Variants in ROR2 observed in about 807,000 individuals in gnomAD.
The protein encoded by ROR2 is ROR family WNT receptor 2.
Under a neutral mutation model 74.9 loss-of-function variants are expected in ROR2, and 33 were observed. The ratio of observed to expected loss-of-function variants is 0.44; its 90% confidence interval spans 0.33 to 0.59. The LOEUF (loss-of-function observed/expected upper bound fraction) is 0.59. Ranked by LOEUF, ROR2 falls within the 20% of genes least tolerant of loss-of-function variation. The probability of loss-of-function intolerance (pLI) is 0.02; values close to 1 mark genes in which losing one functional copy is unlikely to be tolerated. For missense variants in ROR2, 1,216 were observed against 1,313.8 expected (o/e 0.93, Z 1.15); for synonymous variants, 586 against 558.7 (o/e 1.05, Z -0.69).
intron 1 of ROR2, among the ~76,000 whole-genome samples, chr9:91,839,377 GTGTA>G (rs1262179086): frequency 6.6e-6 from 1 of 151,420 alleles, no homozygotes; most frequent in Non-Finnish European, 1.5e-5. Context: ...TGGTGTATGT[GTGTA>G]TGTATGTGGT....
chr9:91,765,839 C>A (rs984967966), intron 2 of ROR2, among the ~76,000 whole-genome samples: 10 of 152,192 alleles, frequency 6.6e-5, no homozygotes, highest in Non-Finnish European at 1.5e-5. Context: ...AGAATCGTTT[C>A]TATATTAGAG....
At chr9:91,947,428 G>A (rs1277482339) in intron 1 of ROR2, among the ~76,000 whole-genome samples, 1 of 152,146 alleles carries the variant, frequency 6.6e-6, no homozygotes, top group African/African-American at 2.4e-5. Flanking sequence ...GTACACAGCC[G>A]TAATAAGAAA....
intron 1 of ROR2, among the ~76,000 whole-genome samples, chr9:91,843,169 A>T (rs1362096721): frequency 6.6e-6 from 1 of 152,238 alleles, no homozygotes; most frequent in Non-Finnish European, 1.5e-5. Flanking sequence ...GGAATACAGA[A>T]AAAACACAGT....
At chr9:91,923,821 C>T (rs913963013) in intron 1 of ROR2, 3 of 152,206 alleles carry the variant, frequency 2.0e-5, no homozygotes, top group African/African-American at 7.2e-5. Context: ...TCTTTTTGAT[C>T]TGAGAGATTC....
At position 91,845,698 on chromosome 9, in the gene ROR2, A is replaced by G. The variant is rs777639522; in HGVS notation, c.98-69880T>C. On this transcript the variant is annotated intron_variant, in intron 1 of 8. Coordinates refer to ENST00000375708, the MANE Select transcript of ROR2 (RefSeq NM_004560.4). ...GGCGTTTGAGAAGAGCCTGGCCAAC[A>G]TGGCGAAACCCCATCTCTACTAAAA... Among the ~76,000 whole-genome samples, 17 of 152,046 alleles carry G rather than the reference A, an allele frequency of 1.1e-4. No individual in the cohort carries two copies. The East Asian group carries it at 1.2e-3, about 10-fold the overall frequency.
At chr9:91,859,823 TCAAA>T (rs372142490) in intron 1 of ROR2, among the ~76,000 whole-genome samples, 194 of 152,136 alleles carry the variant, frequency 1.3e-3, no homozygotes, top group African/African-American at 4.0e-3. Flanking sequence ...AGGCTCCGTC[TCAAA>T]CAAACAAACA....
chr9:91,829,569 A>AAAAAAAAAAAAAC (rs1828397962), intron 1 of ROR2, among the ~76,000 whole-genome samples: 1 of 151,002 alleles, frequency 6.6e-6, no homozygotes, highest in African/African-American at 2.4e-5. Flanking sequence ...AAAAAAAAAA[A>AAAAAAAAAAAAAC]AAAAGCACAC....
intron 2 of ROR2, among the ~76,000 whole-genome samples, chr9:91,768,302 A>G (rs1237297767): frequency 1.3e-5 from 2 of 152,078 alleles, no homozygotes; most frequent in African/African-American, 4.8e-5. Flanking sequence ...TTGCTAGGGT[A>G]GAGGAATTGA....
intron 1 of ROR2, among the ~76,000 whole-genome samples, chr9:91,788,331 A>G (rs1826863052): frequency 6.6e-6 from 1 of 152,206 alleles, no homozygotes; most frequent in South Asian, 2.1e-4. Context: ...AAGTTTGATA[A>G]AAGTATTAAT....
chr9:91,915,225 G>C (rs1237500886), intron 1 of ROR2, among the ~76,000 whole-genome samples: 1 of 152,148 alleles, frequency 6.6e-6, no homozygotes, highest in African/African-American at 2.4e-5. Flanking sequence ...AGGGAACTGA[G>C]GACTGTGACT....
chr9:91,726,979 A>T (rs1837063364), intron 7 of ROR2, among the ~76,000 whole-genome samples: 1 of 152,194 alleles, frequency 6.6e-6, no homozygotes, highest in African/African-American at 2.4e-5. Flanking sequence ...CCTGGAAACA[A>T]GCGGGAATAT....
In ROR2 at chr9:91,775,736, C is replaced by T. The variant is rs767866031; in HGVS notation, c.175+5G>A. 5.0e-6 allele frequency: 8 copies of T among 1,613,844 alleles called. No individual in the cohort carries two copies. In the Admixed American group the frequency reaches 1.3e-4, roughly 27 times the overall value. ...CATGGAGAGCACCTGCATGTCCCAG[C>T]TCACCTTTCAGAGTTGGAATCGGGC... On this transcript the variant is annotated splice_donor_5th_base_variant and intron_variant, in intron 2 of 8. Coordinates refer to ENST00000375708, the MANE Select transcript of ROR2 (RefSeq NM_004560.4).
intron 1 of ROR2, among the ~76,000 whole-genome samples, chr9:91,866,047 T>C (rs4744107): frequency 0.47 from 71,093 of 152,028 alleles, 19,088 homozygotes; most frequent in African/African-American, 0.73. Flanking sequence ...AGTGAAACAG[T>C]CAAAGAAGAA....
intron 2 of ROR2, among the ~76,000 whole-genome samples, chr9:91,767,660 G>C (rs756379053): frequency 3.3e-5 from 5 of 152,228 alleles, no homozygotes; most frequent in Non-Finnish European, 5.9e-5. Flanking sequence ...TGCGGGTGTG[G>C]AACAGTGGCC....
At chr9:91,921,404 G>C (rs551299682) in intron 1 of ROR2, among the ~76,000 whole-genome samples, 1 of 152,276 alleles carries the variant, frequency 6.6e-6, no homozygotes, top group African/African-American at 2.4e-5. Flanking sequence ...CAAAAGTAAA[G>C]CAGAATCAGG....
At chr9:91,816,215 C>T in intron 1 of ROR2, among the ~76,000 whole-genome samples, 1 of 152,170 alleles carries the variant, frequency 6.6e-6, no homozygotes, top group East Asian at 1.9e-4. Context: ...GGGCTCACTG[C>T]TGTGGCCTGG....
At chr9:91,851,998 G>A (rs905682911) in intron 1 of ROR2, among the ~76,000 whole-genome samples, 2 of 151,732 alleles carry the variant, frequency 1.3e-5, no homozygotes, top group African/African-American at 4.8e-5. Flanking sequence ...AAGACAATAG[G>A]GTTTTCTTCT....
At chr9:91,777,868 GA>G (rs112256071) in intron 1 of ROR2, among the ~76,000 whole-genome samples, 1 of 150,464 alleles carries the variant, frequency 6.6e-6, no homozygotes, top group African/African-American at 2.4e-5. Flanking sequence ...GTAGCAAAAA[GA>G]AAAAAAAAGA....
chr9:91,869,812 AACTT>A (rs1414000317), intron 1 of ROR2, among the ~76,000 whole-genome samples: 1 of 152,212 alleles, frequency 6.6e-6, no homozygotes, highest in Non-Finnish European at 1.5e-5. Flanking sequence ...TCGGTGTACT[AACTT>A]AACTAAAATT....
Sources: allele counts gnomAD v4.1 joint callset (sites outside exome capture counted in the v4.1 genomes callset), GRCh38; gene constraint gnomAD v4.1.1; transcripts MANE v1.5; gene names NCBI Gene and HGNC (gene_info 2026-07-23, HGNC 2026-07-21).